Variants in PAPPA2 observed in about 807,000 individuals in gnomAD.
The protein encoded by PAPPA2 is pappalysin-2.
PAPPA2 carries 86 observed loss-of-function variants against 176.4 expected under a neutral mutation model. The ratio of observed to expected loss-of-function variants is 0.49; its 90% CI spans 0.41 to 0.58. PAPPA2 has a LOEUF of 0.58. Ranked by LOEUF, PAPPA2 falls within the 20% of genes least tolerant of loss-of-function variation. The pLI is 0.00. For missense variants in PAPPA2, 2,073 were observed against 2,256.9 expected (o/e 0.92, Z 1.65); for synonymous variants, 809 against 852.2 (o/e 0.95, Z 0.88).
chr1:176,593,664 A>G (rs1653788670), intron 2 of PAPPA2, among the ~76,000 whole-genome samples: 1 of 152,150 alleles, frequency 6.6e-6, no homozygotes, highest in Non-Finnish European at 1.5e-5. Context: ...CTAGCTGTTT[A>G]TGGGTGTTCT....
chr1:176,836,784 C>A (rs1393257072), intron 21 of PAPPA2: 1 of 151,900 alleles, frequency 6.6e-6, no homozygotes, highest in East Asian at 1.9e-4. Flanking sequence ...TGATGCTACA[C>A]TGAACTATCA....
rs573199754 is a variant in PAPPA2, at chr1:176,756,862, C to G, written c.4152-8804C>G. 2.0e-5 allele frequency among the ~76,000 whole-genome samples: 3 copies of G among 152,316 alleles called. No individual in the cohort carries two copies. The South Asian group carries it at 6.2e-4, about 32-fold the overall frequency. ...TCTCCTAACACTATGCCTCCCCCAG[C>G]CCCGCCGCCAAAAGGCCCCGGTGTG... On this transcript the variant is annotated intron_variant, in intron 14 of 22. Coordinates refer to ENST00000367662, the MANE Select transcript of PAPPA2 (RefSeq NM_020318.3).
At chr1:176,765,059 C>T (rs1324862964) in intron 14 of PAPPA2, among the ~76,000 whole-genome samples, 1 of 152,186 alleles carries the variant, frequency 6.6e-6, no homozygotes, top group East Asian at 1.9e-4. Flanking sequence ...TTCCAGTAAT[C>T]GGTTCAATTT....
intron 3 of PAPPA2, among the ~76,000 whole-genome samples, chr1:176,653,767 A>G (rs996946492): frequency 3.3e-5 from 5 of 151,406 alleles, no homozygotes; most frequent in Admixed American, 1.3e-4. Context: ...TTCTGTCTCT[A>G]TTGCTCTTTT....
chr1:176,566,586 G>T (rs78509165), intron 2 of PAPPA2, among the ~76,000 whole-genome samples: 4,791 of 152,238 alleles, frequency 0.031, 124 homozygotes, highest in South Asian at 0.14. Context: ...GGAGACTCTG[G>T]TGTAGTTCTG....
At chr1:176,784,470 C>A (rs903852563) in intron 17 of PAPPA2, among the ~76,000 whole-genome samples, 1 of 152,172 alleles carries the variant, frequency 6.6e-6, no homozygotes, top group Non-Finnish European at 1.5e-5. Context: ...AACAGAACAC[C>A]ATAGATGGGT....
chr1:176,600,998 A>G (rs555687559), intron 3 of PAPPA2, among the ~76,000 whole-genome samples: 3 of 152,138 alleles, frequency 2.0e-5, no homozygotes, highest in Admixed American at 6.6e-5. Context: ...ATTTCCTGCT[A>G]TGGTTCCAAT....
At chr1:176,574,743 T>A (rs181004871) in intron 2 of PAPPA2, among the ~76,000 whole-genome samples, 1 of 152,360 alleles carries the variant, frequency 6.6e-6, no homozygotes, top group East Asian at 1.9e-4. Context: ...ATGCTTTGCA[T>A]AATGATGTGT....
At chr1:176,500,770 C>T (rs1647912455) in intron 1 of PAPPA2, among the ~76,000 whole-genome samples, 1 of 151,248 alleles carries the variant, frequency 6.6e-6, no homozygotes, top group African/African-American at 2.4e-5. Flanking sequence ...TACCAATTTC[C>T]CCTAACCTAT....
chr1:176,809,657 G>A (rs1171833216), intron 21 of PAPPA2, among the ~76,000 whole-genome samples: 2 of 152,142 alleles, frequency 1.3e-5, no homozygotes, highest in African/African-American at 4.8e-5. Flanking sequence ...TAAAAATTGA[G>A]GGTTTTCGTA....
intron 12 of PAPPA2, among the ~76,000 whole-genome samples, chr1:176,715,942 C>G (rs1447125926): frequency 6.6e-6 from 1 of 151,576 alleles, no homozygotes. Flanking sequence ...CAAGGCAAGT[C>G]TATGCAGTTA....
chr1:176,634,954 GATAGATAGATAAATAGATAGATAGA>G (rs2102715375), intron 3 of PAPPA2, among the ~76,000 whole-genome samples: 1 of 124,804 alleles, frequency 8.0e-6, no homozygotes, highest in African/African-American at 3.0e-5. Context: ...TAGGTAGATA[GATAGATAGATAAATAGATAGATAGA>G]TAGATAGATA....
chr1:176,725,993 G>A (rs1445184111), intron 12 of PAPPA2, among the ~76,000 whole-genome samples: 2 of 152,170 alleles, frequency 1.3e-5, no homozygotes, highest in South Asian at 2.1e-4. Flanking sequence ...TGTTAGCCAG[G>A]ATGGTCTCGA....
At chr1:176,528,116 C>A (rs1649596325) in intron 1 of PAPPA2, among the ~76,000 whole-genome samples, 1 of 152,108 alleles carries the variant, frequency 6.6e-6, no homozygotes, top group Non-Finnish European at 1.5e-5. Flanking sequence ...TTCAAATGGA[C>A]CCTGCATTCA....
At chr1:176,707,993 G>A (rs1018964640) in intron 10 of PAPPA2, among the ~76,000 whole-genome samples, 55 of 152,082 alleles carry the variant, frequency 3.6e-4, no homozygotes, top group Non-Finnish European at 2.1e-4. Flanking sequence ...TGGCTATGCC[G>A]AATACATCGA....
chr1:176,616,355 T>C (rs1256976549), intron 3 of PAPPA2: 9 of 568,306 alleles, frequency 1.6e-5, no homozygotes, highest in Middle Eastern at 5.9e-4. Flanking sequence ...AATACAAAAG[T>C]TGCTTGCTTT....
At chr1:176,615,181 A>AT (rs1229314805) in intron 3 of PAPPA2, among the ~76,000 whole-genome samples, 5 of 152,044 alleles carry the variant, frequency 3.3e-5, no homozygotes, top group African/African-American at 9.7e-5. Context: ...GCTCCCTCCC[A>AT]TTTTTTTCTC....
At chr1:176,834,227 C>T (rs1461322256) in intron 21 of PAPPA2, among the ~76,000 whole-genome samples, 1 of 152,194 alleles carries the variant, frequency 6.6e-6, no homozygotes, top group Admixed American at 6.5e-5. Context: ...TATACCATAA[C>T]TCAGAGAAGG....
chr1:176,537,197 T>C (rs574356646), intron 1 of PAPPA2: 3 of 152,328 alleles, frequency 2.0e-5, no homozygotes, highest in African/African-American at 7.2e-5. Context: ...GTTGTTGAAA[T>C]AATTTTGTAC....
Sources: gnomAD v4.1 joint callset for allele counts (sites outside exome capture counted in the v4.1 genomes callset) on GRCh38, gnomAD v4.1.1 for gene constraint, MANE v1.5 for transcripts, NCBI Gene and HGNC (gene_info 2026-07-23, HGNC 2026-07-21) for gene names.